COX7B2: variants seen among roughly 807,000 people sequenced by gnomAD.
COX7B2 encodes cytochrome c oxidase subunit 7B2.
For missense variants in COX7B2, 109 were observed against 95.9 expected, an observed-to-expected ratio of 1.14 and a Z score of -0.57; for synonymous variants, 37 against 32.1, an observed-to-expected ratio of 1.15 and a Z score of -0.51.
chr4:46,892,437 T>C (rs1042212147), intron 1 of COX7B2, among the ~76,000 whole-genome samples: 23 of 152,194 alleles, frequency 1.5e-4, no homozygotes, highest in African/African-American at 5.5e-4. Context: ...GTGTACTGGC[T>C]TGGCCATGAT....
chr4:46,741,175 A>G (rs1714681558), intron 2 of COX7B2, among the ~76,000 whole-genome samples: 1 of 152,140 alleles, frequency 6.6e-6, no homozygotes, highest in Non-Finnish European at 1.5e-5. Flanking sequence ...AAGAAAACAA[A>G]ACAGAGTCCT....
chr4:46,801,729 A>C (rs570528545), intron 2 of COX7B2, among the ~76,000 whole-genome samples: 23 of 152,314 alleles, frequency 1.5e-4, no homozygotes, highest in African/African-American at 5.5e-4. Context: ...TAAAAGTTGG[A>C]AGGGGAAATA....
At chr4:46,756,098 T>A (rs1715780012) in intron 2 of COX7B2, among the ~76,000 whole-genome samples, 1 of 152,038 alleles carries the variant, frequency 6.6e-6, no homozygotes, top group Non-Finnish European at 1.5e-5. Context: ...ACCATGGTAC[T>A]GGTATAAAAA....
chr4:46,902,209 T>G (rs919163343), intron 1 of COX7B2, among the ~76,000 whole-genome samples: 7 of 152,266 alleles, frequency 4.6e-5, no homozygotes, highest in Non-Finnish European at 1.0e-4. Context: ...AGCAACTTCC[T>G]GAGGACAGCT....
At chr4:46,805,705 C>T (rs1316557763) in intron 2 of COX7B2, among the ~76,000 whole-genome samples, 2 of 152,156 alleles carry the variant, frequency 1.3e-5, no homozygotes, top group East Asian at 3.8e-4. Flanking sequence ...TCACACAATG[C>T]CCCTTTTTAT....
intron 2 of COX7B2, among the ~76,000 whole-genome samples, chr4:46,835,194 T>C (rs1715425406): frequency 6.6e-6 from 1 of 151,986 alleles, no homozygotes; most frequent in South Asian, 2.1e-4. Context: ...CAGCATGACA[T>C]AAAGGACAAT....
intron 2 of COX7B2, among the ~76,000 whole-genome samples, chr4:46,785,396 C>T (rs1412620606): frequency 2.7e-5 from 4 of 145,772 alleles, no homozygotes; most frequent in Admixed American, 6.8e-5. Context: ...TTTTTTGAGA[C>T]GGAGTCTTGC....
chr4:46,828,323 A>AT (rs1714832654), intron 2 of COX7B2, among the ~76,000 whole-genome samples: 1 of 152,174 alleles, frequency 6.6e-6, no homozygotes. Flanking sequence ...AGCTTCACAT[A>AT]TGAAAATAAG....
intron 2 of COX7B2, among the ~76,000 whole-genome samples, chr4:46,808,048 T>C (rs1416110439): frequency 6.6e-6 from 1 of 151,812 alleles, no homozygotes; most frequent in Non-Finnish European, 1.5e-5. Flanking sequence ...GTTGTTTCTA[T>C]TTTTTGTGAA....
intron 2 of COX7B2, among the ~76,000 whole-genome samples, chr4:46,837,326 G>C (rs1456668741): frequency 6.7e-6 from 1 of 149,628 alleles, no homozygotes; most frequent in East Asian, 2.0e-4. Flanking sequence ...GAGGAATATG[G>C]TTCAGCCATA....
intron 1 of COX7B2, among the ~76,000 whole-genome samples, chr4:46,861,819 A>T (rs1717350934): frequency 6.6e-6 from 1 of 152,096 alleles, no homozygotes; most frequent in South Asian, 2.1e-4. Context: ...TGTTCCTCCT[A>T]GAAAGGCCAT....
intron 2 of COX7B2, among the ~76,000 whole-genome samples, chr4:46,827,228 G>A (rs1305310132): frequency 1.3e-5 from 2 of 151,784 alleles, no homozygotes. Flanking sequence ...TAAAAAGAAA[G>A]AAAGGAAAAA....
At chr4:46,804,066 C>T (rs1053325505) in intron 2 of COX7B2, among the ~76,000 whole-genome samples, 2 of 151,920 alleles carry the variant, frequency 1.3e-5, no homozygotes, top group African/African-American at 2.4e-5. Flanking sequence ...CTGGTGGGTT[C>T]GTGGTCTCGC....
At chr4:46,762,695 G>A (rs796688020) in intron 2 of COX7B2, among the ~76,000 whole-genome samples, 19 of 147,914 alleles carry the variant, frequency 1.3e-4, no homozygotes, top group Admixed American at 7.0e-4. Context: ...TCTGCTTGGC[G>A]TATTCCATTG....
intron 2 of COX7B2, among the ~76,000 whole-genome samples, chr4:46,772,236 C>A (rs533856117): frequency 2.6e-5 from 4 of 151,842 alleles, no homozygotes; most frequent in Non-Finnish European, 5.9e-5. Context: ...ATATATGGAA[C>A]CTAAAAAAAT....
At chr4:46,857,138 C>T (rs1717053493) in intron 1 of COX7B2, among the ~76,000 whole-genome samples, 1 of 152,132 alleles carries the variant, frequency 6.6e-6, no homozygotes, top group Non-Finnish European at 1.5e-5. Context: ...AGAACTGGAG[C>T]CTGGTGGTAA....
At chr4:46,901,693 A>G (rs1720079092) in intron 1 of COX7B2, among the ~76,000 whole-genome samples, 1 of 152,198 alleles carries the variant, frequency 6.6e-6, no homozygotes, top group Admixed American at 6.5e-5. Context: ...ACGTCAGCCA[A>G]TCTATTGGGG....
At chr4:46,751,601 C>T (rs1168472880) in intron 2 of COX7B2, among the ~76,000 whole-genome samples, 3 of 151,938 alleles carry the variant, frequency 2.0e-5, no homozygotes, top group African/African-American at 7.3e-5. Context: ...TATTTAGCAA[C>T]CACAAGCCTA....
At chr4:46,750,162 A>C (rs1715263690) in intron 2 of COX7B2, among the ~76,000 whole-genome samples, 1 of 150,842 alleles carries the variant, frequency 6.6e-6, no homozygotes, top group Admixed American at 6.7e-5. Context: ...GGAGTTAAAG[A>C]CCAGCCTGGA....
Sources: gnomAD v4.1 joint callset for allele counts (sites outside exome capture counted in the v4.1 genomes callset) on GRCh38, gnomAD v4.1.1 for gene constraint, MANE v1.5 for transcripts, NCBI Gene and HGNC (gene_info 2026-07-23, HGNC 2026-07-21) for gene names.